OSBPL3: variants seen among roughly 807,000 people sequenced by gnomAD.
The protein encoded by OSBPL3 is oxysterol binding protein like 3.
A neutral mutation model predicts 120.1 loss-of-function variants in OSBPL3; 65 were observed. The ratio of observed to expected loss-of-function variants is 0.54; its 90% confidence interval spans 0.44 to 0.67. The LOEUF is 0.67. Among genes scored for constraint, OSBPL3 ranks in the 30% least tolerant of loss-of-function variants. OSBPL3 has a pLI of 0.00. For synonymous variants in OSBPL3, 416 were observed against 402.6 expected (o/e 1.03, Z -0.40); for missense variants, 1,004 against 1,082.1 (o/e 0.93, Z 1.01).
Position 24,940,055 on chromosome 7 carries a change from C to A in OSBPL3, c.-150+39831G>T, listed in dbSNP as rs1812900030. On this transcript the variant is annotated intron_variant, in intron 1 of 22. Transcript: ENST00000313367. This position sits in a 1 kb window ranked among gnomAD's most constrained non-coding sequence, Gnocchi z 4.4. The stretch of plus-strand genomic sequence containing the variant: ...AGTTGGGAGAATTTCTTCCTATTGA[C>A]TTCTGTTTCTAGATGAAATGAAAAC... 6.6e-6 allele frequency among the ~76,000 whole-genome samples: 1 copy of A among 152,084 alleles called. No homozygotes were observed. The highest frequency in any genetic ancestry group is 6.5e-5 in the Admixed American group (1 of 15,286).
At position 24,818,264 on chromosome 7, in the gene OSBPL3, T is replaced by G. The variant is rs1303874971; in HGVS notation, c.1949-1576A>C. 6.6e-6 allele frequency among the ~76,000 whole-genome samples: 1 copy of G among 152,186 alleles called. No individual in the cohort carries two copies. Among genetic ancestry groups the G allele is most frequent in the Non-Finnish European group, 1.5e-5 (1 of 68,036 alleles). On this transcript the variant is annotated intron_variant, in intron 17 of 22. Coordinates refer to ENST00000313367, the MANE Select transcript of OSBPL3 (RefSeq NM_015550.4). This position sits in a 1 kb window ranked among gnomAD's most constrained non-coding sequence, Gnocchi z 4.0. ...GCACAGTTTATTAAATTCACAATTC[T>G]GTGAATAAAAACCATTGAATTGTAC... is the stretch of plus-strand genomic sequence containing the variant.
Position 24,881,815 on chromosome 7 carries a change from G to T in OSBPL3, c.97-9746C>A, listed in dbSNP as rs1803725037. Among the ~76,000 whole-genome samples the T allele has an allele frequency of 6.6e-6, 1 of 152,138 alleles. No individual in the cohort carries two copies. Among genetic ancestry groups the T allele is most frequent in the African/African-American group, 2.4e-5 (1 of 41,432 alleles). ...ACGCTCCCTCTGGAGGATCTCAGGG[G>T]GATTCATTCCTTGCTTCTCCCTCTG... On this transcript the variant is annotated intron_variant, in intron 2 of 22. Coordinates refer to ENST00000313367, the MANE Select transcript of OSBPL3 (RefSeq NM_015550.4). This position sits in a 1 kb window ranked among gnomAD's most constrained non-coding sequence, Gnocchi z 4.3.
intron 1 of OSBPL3, among the ~76,000 whole-genome samples, chr7:24,903,636 A>G (rs190923084): frequency 1.8e-3 from 281 of 152,316 alleles, no homozygotes; most frequent in Admixed American, 2.7e-3. Flanking sequence ...CAGAAGTCTG[A>G]CATCTTCCTT....
In OSBPL3 at chr7:24,854,464, A is replaced by G. The variant is rs1799555697; in HGVS notation, c.1028-1830T>C. On this transcript the variant is annotated intron_variant, in intron 10 of 22. Transcript: ENST00000313367. The surrounding 1 kb of genome is among the most constrained non-coding windows in gnomAD (Gnocchi z 4.1). ...TGGCATTTAGTGATGGACCTGAAAC[A>G]TCTTAACAAAGTCACAACAATTTGT... Among the ~76,000 whole-genome samples, 1 of 151,382 alleles carries G rather than the reference A, an allele frequency of 6.6e-6. No individual in the cohort carries two copies. Among genetic ancestry groups the G allele is most frequent in the Admixed American group, 6.6e-5 (1 of 15,124 alleles).
intron 6 of OSBPL3, among the ~76,000 whole-genome samples, chr7:24,865,753 T>G (rs1801221495): frequency 6.6e-6 from 1 of 152,242 alleles, no homozygotes; most frequent in African/African-American, 2.4e-5. Flanking sequence ...CAATCCTGCA[T>G]AGCTATATGC....
chr7:24,946,023 A>G lies in OSBPL3; in HGVS notation c.-150+33863T>C, dbSNP rs940050778. 3.9e-5 allele frequency among the ~76,000 whole-genome samples: 6 copies of G among 152,178 alleles called. No homozygotes were observed. The highest frequency in any genetic ancestry group is 3.9e-4 in the Admixed American group (6 of 15,278). On this transcript the variant is annotated intron_variant, in intron 1 of 22. Transcript: ENST00000313367. The surrounding 1 kb of genome is among the most constrained non-coding windows in gnomAD (Gnocchi z 4.3). Reference sequence around the variant, plus strand: ...CAGGGTCTCTCATTTGATGGCAATCAGATGCCAGGTGGGGCTGGAGCTAGG... The same window carrying G: ...CAGGGTCTCTCATTTGATGGCAATCGGATGCCAGGTGGGGCTGGAGCTAGG...
In OSBPL3 at chr7:24,892,415, T is replaced by A; in HGVS notation, c.58A>T (p.Ser20Cys). 6.2e-7 allele frequency: 1 copy of A among 1,613,686 alleles called. No homozygotes were observed. The highest frequency in any genetic ancestry group is 8.5e-7 in the Non-Finnish European group (1 of 1,179,656). ...TGCTTGGAAGAGCAGCTACTTGTGC[T>A]CCTTGAAGGTGATACCAATTTTTGG... ...VSQKLVSPSR[S>C]TSSCSSKQGS... Residue 20 changes from serine to cysteine, a missense_variant, in exon 2 of 23, where the codon AGC becomes TGC. Physicochemically the swap from Ser to Cys is moderately radical, Grantham distance 112. This residue lies in a region of OSBPL3 where 255 missense variants were observed against 248.7 expected (regional missense o/e 1.03). Transcript: ENST00000313367.
chr7:24,927,816 C>T (rs1811247632), intron 1 of OSBPL3, among the ~76,000 whole-genome samples: 1 of 152,138 alleles, frequency 6.6e-6, no homozygotes, highest in Non-Finnish European at 1.5e-5. Context: ...CTTCTCACTA[C>T]CCTATCTCTT....
At position 24,871,929 on chromosome 7, in the gene OSBPL3, A is replaced by T. The variant is rs1181481784; in HGVS notation, c.213+24T>A. On this transcript the variant is annotated intron_variant, in intron 3 of 22. Transcript: ENST00000313367. The surrounding 1 kb of genome is among the most constrained non-coding windows in gnomAD (Gnocchi z 4.8). ...AGTGGGGCAGTGTGAGTGCAAATAA[A>T]GGGGAGGCCAAGACCAACCTTACCT... 2 of 1,546,538 alleles carry T rather than the reference A, an allele frequency of 1.3e-6. No homozygotes were observed.
At chr7:24,977,725 G>A (rs1817742099) in intron 1 of OSBPL3, among the ~76,000 whole-genome samples, 1 of 152,184 alleles carries the variant, frequency 6.6e-6, no homozygotes, top group South Asian at 2.1e-4. Context: ...TCGTGGTGAC[G>A]GGCGCCTGTA....
chr7:24,800,883 G>A (rs966893245), intron 22 of OSBPL3, among the ~76,000 whole-genome samples: 1 of 151,814 alleles, frequency 6.6e-6, no homozygotes, highest in African/African-American at 2.4e-5. Flanking sequence ...AGCACCTTGG[G>A]AATGACTGCA....
At position 24,896,208 on chromosome 7, in the gene OSBPL3, T is replaced by C. The variant is rs558039850; in HGVS notation, c.-149-3587A>G. Among the ~76,000 whole-genome samples, 4 of 152,360 alleles carry C rather than the reference T, an allele frequency of 2.6e-5. No individual in the cohort carries two copies. In the East Asian group the frequency reaches 7.7e-4, roughly 29 times the overall value. ...TCAACAAACCACCTGGTGGTGAGGTTGAGGAGGAGAGAACTTATGGCCCTT... is the reference window on the plus strand; with the variant it reads ...TCAACAAACCACCTGGTGGTGAGGTCGAGGAGGAGAGAACTTATGGCCCTT... On this transcript the variant is annotated intron_variant, in intron 1 of 22. Coordinates refer to ENST00000313367, the MANE Select transcript of OSBPL3 (RefSeq NM_015550.4). The surrounding 1 kb of genome is among the most constrained non-coding windows in gnomAD (Gnocchi z 4.4).
intron 10 of OSBPL3, among the ~76,000 whole-genome samples, chr7:24,859,838 A>G (rs1584407170): frequency 1.3e-5 from 2 of 152,318 alleles, no homozygotes; most frequent in African/African-American, 2.4e-5. Flanking sequence ...CATTATTATT[A>G]TTAGTGAGTA....
At chr7:24,842,091 T>G (rs1375670907) in intron 13 of OSBPL3, among the ~76,000 whole-genome samples, 188 bp downstream of exon 13, 1 of 152,188 alleles carries the variant, frequency 6.6e-6, no homozygotes, top group Non-Finnish European at 1.5e-5. Flanking sequence ...TACTTTTACT[T>G]TTTCTTCTCA....
At position 24,896,106 on chromosome 7, in the gene OSBPL3, T is replaced by A. The variant is rs940515536; in HGVS notation, c.-149-3485A>T. On this transcript the variant is annotated intron_variant, in intron 1 of 22. Transcript: ENST00000313367. The surrounding 1 kb of genome is among the most constrained non-coding windows in gnomAD (Gnocchi z 4.4). ...TGCCCCAGCTTACAGGAACAGGTTT[T>A]ATGGCTACTTTGGTGCATTCTGCCT... is the stretch of plus-strand genomic sequence containing the variant. Among the ~76,000 whole-genome samples the A allele has an allele frequency of 3.9e-5, 6 of 152,220 alleles. No homozygotes were observed. The highest frequency in any genetic ancestry group is 1.4e-4 in the African/African-American group (6 of 41,456).
intron 1 of OSBPL3, among the ~76,000 whole-genome samples, chr7:24,977,912 T>C (rs2128553161): frequency 6.6e-6 from 1 of 152,374 alleles, no homozygotes; most frequent in South Asian, 2.1e-4. Flanking sequence ...AGTATCTGGC[T>C]TATGATGTAA....
At chr7:24,897,320 CTT>C (rs35715609) in intron 1 of OSBPL3, among the ~76,000 whole-genome samples, 2,399 of 102,088 alleles carry the variant, frequency 0.023, 21 homozygotes, top group African/African-American at 0.081. Flanking sequence ...ATGGCAGAAT[CTT>C]TTTTTTTTTT....
rs1270341964 is a variant in OSBPL3 at position 24,822,377 on chromosome 7, G to A, written c.1885-2139C>T. 6.6e-6 allele frequency among the ~76,000 whole-genome samples: 1 copy of A among 152,094 alleles called. No individual in the cohort carries two copies. The highest frequency in any genetic ancestry group is 2.4e-5 in the African/African-American group (1 of 41,408). ...GGAGGCTGAGGCAGAAGGATCCCTT[G>A]AGCCCAGGATCCAGGAGTTCAAGAC... On this transcript the variant is annotated intron_variant, in intron 16 of 22. Transcript: ENST00000313367. The surrounding 1 kb of genome is among the most constrained non-coding windows in gnomAD (Gnocchi z 5.8).
Position 24,940,005 on chromosome 7 carries a change from G to C in OSBPL3, c.-150+39881C>G, listed in dbSNP as rs1291797606. On this transcript the variant is annotated intron_variant, in intron 1 of 22. Transcript: ENST00000313367. The surrounding 1 kb of genome is among the most constrained non-coding windows in gnomAD (Gnocchi z 4.4). ...GTATCCCAGAACTAAAAGAAAGAAA[G>C]AAAAATAAATACATAAATAAATAAA... is the stretch of plus-strand genomic sequence containing the variant. 6.6e-6 allele frequency among the ~76,000 whole-genome samples: 1 copy of C among 152,014 alleles called. No homozygotes were observed. Among genetic ancestry groups the C allele is most frequent in the East Asian group, 1.9e-4 (1 of 5,198 alleles).
Sources: allele counts gnomAD v4.1 joint callset (sites outside exome capture counted in the v4.1 genomes callset), GRCh38; gene constraint gnomAD v4.1.1; regional missense constraint gnomAD v4.1.1; non-coding constraint Gnocchi (gnomAD v3.1); transcripts MANE v1.5; gene names NCBI Gene and HGNC (gene_info 2026-07-23, HGNC 2026-07-21).